The following ADAM18 variants were observed in gnomAD, a reference collection of about 807,000 sequenced individuals.
ADAM18 encodes the protein ADAM metallopeptidase domain 18.
Under a neutral mutation model 94.4 loss-of-function variants are expected in ADAM18, and 117 were observed. The observed-to-expected ratio is 1.24, with a 90% CI of 1.07 to 1.45. The LOEUF (loss-of-function observed/expected upper bound fraction) is 1.45. Among genes scored for constraint, ADAM18 ranks in the 40% most tolerant of loss-of-function variants. The pLI is 0.00. For synonymous variants in ADAM18, 327 were observed against 291.6 expected, an observed-to-expected ratio of 1.12 and a Z score of -1.24; for missense variants, 936 against 880.0, an observed-to-expected ratio of 1.06 and a Z score of -0.81.
intron 3 of ADAM18, among the ~76,000 whole-genome samples, chr8:39,607,421 A>T (rs1278808312): frequency 6.6e-6 from 1 of 152,198 alleles, no homozygotes; most frequent in Non-Finnish European, 1.5e-5. Flanking sequence ...TTGTAATTGA[A>T]CAAGGCTAGA....
chr8:39,584,826 C>G, intron 1 of ADAM18, 149 bp downstream of exon 1: 1 of 921,950 alleles, frequency 1.1e-6, no homozygotes. Flanking sequence ...GACACCTTTC[C>G]ACGCCAGGCC....
intron 7 of ADAM18, among the ~76,000 whole-genome samples, chr8:39,632,120 C>G (rs981659727): frequency 1.3e-5 from 2 of 151,062 alleles, no homozygotes; most frequent in Non-Finnish European, 3.0e-5. Context: ...TTTTTAATTT[C>G]AAATTTTAAT....
chr8:39,724,157 G>T (rs1822836893), intron 19 of ADAM18, among the ~76,000 whole-genome samples: 1 of 151,678 alleles, frequency 6.6e-6, no homozygotes, highest in African/African-American at 2.4e-5. Context: ...GGTCAGAAAA[G>T]AATATAGTTG....
chr8:39,653,709 T>C (rs1426121089), intron 12 of ADAM18, among the ~76,000 whole-genome samples: 1 of 152,224 alleles, frequency 6.6e-6, no homozygotes, highest in Non-Finnish European at 1.5e-5. Flanking sequence ...TTTATGTGTT[T>C]TTAATTGATA....
chr8:39,609,270 A>T, intron 4 of ADAM18, 150 bp downstream of exon 4: 1 of 714,874 alleles, frequency 1.4e-6, no homozygotes, highest in Non-Finnish European at 2.3e-6. Flanking sequence ...TAGAGATGAA[A>T]CCCAGCTGCA....
intron 12 of ADAM18, among the ~76,000 whole-genome samples, chr8:39,650,749 T>C (rs1820509573): frequency 1.3e-5 from 2 of 152,106 alleles, no homozygotes; most frequent in South Asian, 4.1e-4. Flanking sequence ...TCTATCAAAA[T>C]CCCAATAACA....
At chr8:39,704,952 G>A (rs1384490597) in intron 17 of ADAM18, among the ~76,000 whole-genome samples, 1 of 152,096 alleles carries the variant, frequency 6.6e-6, no homozygotes, top group Non-Finnish European at 1.5e-5. Flanking sequence ...ATAACACTTT[G>A]TCAAAATATA....
chr8:39,594,048 T>C (rs1818660319), intron 2 of ADAM18, among the ~76,000 whole-genome samples: 1 of 152,130 alleles, frequency 6.6e-6, no homozygotes, highest in Non-Finnish European at 1.5e-5. Flanking sequence ...TTGCTTTTAA[T>C]TTTTATTTTC....
At chr8:39,665,576 C>T (rs765449486) in intron 13 of ADAM18, among the ~76,000 whole-genome samples, 9 of 152,134 alleles carry the variant, frequency 5.9e-5, no homozygotes, top group South Asian at 4.1e-4. Flanking sequence ...ATGAGACTTA[C>T]GGTTGCTTTG....
In ADAM18 at chr8:39,645,401, G is replaced by A. The variant is rs1820351148; in HGVS notation, c.973G>A (p.Val325Ile). The stretch of plus-strand genomic sequence containing the variant: ...TATAGCTCAACTGCTTGGCCTTAAT[G>A]TAGGATTAACATATGATGACATCAC... ...VIIAQLLGLNVGLTYDDITQC... is the reference protein window; with the variant it reads ...VIIAQLLGLNIGLTYDDITQC... The change falls in exon 11 of 20, where the codon GTA (valine) becomes ATA (isoleucine). Residue 325 changes from valine (V) to isoleucine (I), a missense_variant. By Grantham distance (29) the Val-to-Ile change is conservative. Transcript: ENST00000265707. 1 of 1,612,692 alleles carries A rather than the reference G, an allele frequency of 6.2e-7. No homozygotes were observed. Among genetic ancestry groups the A allele is most frequent in the African/African-American group, 1.3e-5 (1 of 74,980 alleles).
At chr8:39,725,563 T>C (rs550606411) in intron 19 of ADAM18, among the ~76,000 whole-genome samples, 1 of 152,170 alleles carries the variant, frequency 6.6e-6, no homozygotes, top group Non-Finnish European at 1.5e-5. Context: ...TATTTTTGAG[T>C]CCACATATAG....
chr8:39,689,377 G>A (rs909996725), intron 16 of ADAM18, among the ~76,000 whole-genome samples: 1 of 152,180 alleles, frequency 6.6e-6, no homozygotes, highest in African/African-American at 2.4e-5. Context: ...TGTGTGTGGT[G>A]TAAGGAAGCA....
At chr8:39,722,190 C>CGTGTGTGTGT (rs1164771841) in intron 18 of ADAM18, among the ~76,000 whole-genome samples, 4 of 101,808 alleles carry the variant, frequency 3.9e-5, no homozygotes, top group African/African-American at 1.4e-4. Flanking sequence ...TTGGTTATAC[C>CGTGTGTGTGT]GTGTGTGTGT....
At chr8:39,688,632 A>G (rs1821678593) in intron 16 of ADAM18, among the ~76,000 whole-genome samples, 1 of 152,078 alleles carries the variant, frequency 6.6e-6, no homozygotes, top group African/African-American at 2.4e-5. Flanking sequence ...CCAATCTGTC[A>G]TTGATGGGCA....
intron 18 of ADAM18, among the ~76,000 whole-genome samples, chr8:39,712,661 G>A (rs915270366): frequency 5.9e-5 from 9 of 152,054 alleles, no homozygotes; most frequent in South Asian, 2.1e-4. Context: ...CAAACAGAGC[G>A]CCAAATCATG....
chr8:39,671,931 A>T (rs28640917), intron 14 of ADAM18, among the ~76,000 whole-genome samples: 10,984 of 152,210 alleles, frequency 0.072, 1,217 homozygotes, highest in African/African-American at 0.24. Context: ...ATCATGAGAT[A>T]GAATAGAGGA....
chr8:39,686,604 G>A (rs1281590155), intron 16 of ADAM18, among the ~76,000 whole-genome samples: 3 of 152,168 alleles, frequency 2.0e-5, no homozygotes, highest in Non-Finnish European at 4.4e-5. Context: ...TCCGACCACA[G>A]CATGTTAATA....
At chr8:39,591,166 C>G (rs142001768) in intron 2 of ADAM18, among the ~76,000 whole-genome samples, 1 of 152,078 alleles carries the variant, frequency 6.6e-6, no homozygotes, top group Non-Finnish European at 1.5e-5. Context: ...TACAATCAGG[C>G]CTTGTCTGAT....
At chr8:39,635,621 T>C (rs1432076210) in intron 7 of ADAM18, among the ~76,000 whole-genome samples, 38 of 152,146 alleles carry the variant, frequency 2.5e-4, no homozygotes, top group Non-Finnish European at 7.4e-5. Context: ...ACAAGTGTCT[T>C]TTTCCTAATT....
Sources: gnomAD v4.1 joint callset for allele counts (sites outside exome capture counted in the v4.1 genomes callset) on GRCh38, gnomAD v4.1.1 for gene constraint, MANE v1.5 for transcripts, NCBI Gene and HGNC (gene_info 2026-07-23, HGNC 2026-07-21) for gene names.